The following KYNU variants were observed in gnomAD, a reference collection of about 807,000 sequenced individuals.
KYNU encodes L-kynurenine hydrolase.
KYNU carries 54 observed loss-of-function variants against 59.2 expected under a neutral mutation model. The observed-to-expected ratio is 0.91, with a 90% CI of 0.73 to 1.14. The LOEUF is 1.14. Ranked by LOEUF, KYNU falls within the 50% of genes most tolerant of loss-of-function variation. The probability of loss-of-function intolerance (pLI) is 0.00; values close to 1 mark genes in which losing one functional copy is unlikely to be tolerated. For missense variants in KYNU, 567 were observed against 554.4 expected, an observed-to-expected ratio of 1.02 and a Z score of -0.23; for synonymous variants, 177 against 192.0, an observed-to-expected ratio of 0.92 and a Z score of 0.65.
intron 8 of KYNU, among the ~76,000 whole-genome samples, chr2:142,984,510 G>T (rs1328930390): frequency 6.6e-6 from 1 of 152,004 alleles, no homozygotes; most frequent in African/African-American, 2.4e-5. Flanking sequence ...AGAAATGGTT[G>T]TCCATGATAT....
intron 4 of KYNU, among the ~76,000 whole-genome samples, chr2:142,938,633 A>C (rs1683473285): frequency 6.6e-6 from 1 of 152,238 alleles, no homozygotes; most frequent in African/African-American, 2.4e-5. Flanking sequence ...CAAACTTGAA[A>C]TATGTAAGTA....
At chr2:143,030,523 C>T (rs933235532) in intron 11 of KYNU, among the ~76,000 whole-genome samples, 3 of 151,888 alleles carry the variant, frequency 2.0e-5, no homozygotes, top group African/African-American at 7.3e-5. Flanking sequence ...TCACCTAGGC[C>T]GGAGTACAGT....
At chr2:143,020,717 A>G (rs530986465) in intron 10 of KYNU, among the ~76,000 whole-genome samples, 1 of 152,262 alleles carries the variant, frequency 6.6e-6, no homozygotes, top group South Asian at 2.1e-4. Context: ...GTTCCTTTCG[A>G]TCTTGGACTG....
At chr2:143,007,844 G>C (rs1424213229) in intron 10 of KYNU, among the ~76,000 whole-genome samples, 4 of 117,764 alleles carry the variant, frequency 3.4e-5, no homozygotes, top group African/African-American at 1.2e-4. Context: ...ATACTTTACA[G>C]ACAAGCAAAT....
At chr2:143,028,284 C>T in intron 10 of KYNU, among the ~76,000 whole-genome samples, 1 of 114,946 alleles carries the variant, frequency 8.7e-6, no homozygotes, top group Admixed American at 1.2e-4. Context: ...CTCACTCTGT[C>T]ACCCAGGTTG....
intron 2 of KYNU, among the ~76,000 whole-genome samples, chr2:142,892,189 A>G (rs1681739556): frequency 6.6e-6 from 1 of 152,234 alleles, no homozygotes; most frequent in African/African-American, 2.4e-5. Flanking sequence ...TTGGGATTAC[A>G]GGCGTCAGCC....
intron 8 of KYNU, among the ~76,000 whole-genome samples, chr2:142,979,007 T>C (rs1308202379): frequency 6.6e-6 from 1 of 152,168 alleles, no homozygotes; most frequent in Non-Finnish European, 1.5e-5. Context: ...TTCATTTCAA[T>C]AGGCAATTAA....
At chr2:142,960,955 G>A (rs372866426) in intron 8 of KYNU, among the ~76,000 whole-genome samples, 185 bp downstream of exon 8, 4 of 151,800 alleles carry the variant, frequency 2.6e-5, no homozygotes, top group African/African-American at 9.7e-5. Context: ...CAGCACTTGG[G>A]AGGCTGGAGC....
intron 10 of KYNU, among the ~76,000 whole-genome samples, chr2:143,020,944 T>C (rs1686389237): frequency 6.6e-6 from 1 of 152,212 alleles, no homozygotes; most frequent in African/African-American, 2.4e-5. Flanking sequence ...GTCACACCAA[T>C]AGAGTACATA....
intron 8 of KYNU, among the ~76,000 whole-genome samples, chr2:142,976,156 A>G (rs1300218057): frequency 6.6e-6 from 1 of 152,146 alleles, no homozygotes; most frequent in Non-Finnish European, 1.5e-5. Context: ...GGTGGAGGGA[A>G]GTTTTATGGG....
At chr2:142,946,426 A>G (rs917952738) in intron 4 of KYNU, among the ~76,000 whole-genome samples, 2 of 152,192 alleles carry the variant, frequency 1.3e-5, no homozygotes, top group Admixed American at 1.3e-4. Flanking sequence ...TCCATGATCC[A>G]TGGACTGCAG....
At chr2:142,925,360 A>ATT (rs1266550509) in intron 3 of KYNU, among the ~76,000 whole-genome samples, 2 of 152,212 alleles carry the variant, frequency 1.3e-5, no homozygotes, top group Non-Finnish European at 2.9e-5. Flanking sequence ...ATTCTCAAAG[A>ATT]AAGTCCTCTT....
At chr2:142,879,123 A>G (rs1681200987) in intron 1 of KYNU, among the ~76,000 whole-genome samples, 1 of 152,262 alleles carries the variant, frequency 6.6e-6, no homozygotes, top group South Asian at 2.1e-4. Flanking sequence ...ATGGCATAAC[A>G]TTATGGCTTG....
chr2:143,032,499 T>C (rs1686781436), intron 11 of KYNU, among the ~76,000 whole-genome samples: 2 of 152,120 alleles, frequency 1.3e-5, no homozygotes, highest in South Asian at 4.1e-4. Flanking sequence ...CATAGTTTGC[T>C]TAATCCTGGA....
At chr2:143,029,523 T>A (rs920992950) in intron 10 of KYNU, 104 bp from the exon 11 acceptor site, 1 of 738,702 alleles carries the variant, frequency 1.4e-6, no homozygotes, top group Admixed American at 1.9e-5. Context: ...GAGGCAGAGG[T>A]GGCAGTGAGC....
chr2:142,966,400 A>C (rs542226591), intron 8 of KYNU, among the ~76,000 whole-genome samples: 22 of 152,304 alleles, frequency 1.4e-4, no homozygotes, highest in Middle Eastern at 6.8e-3. Context: ...AACTTCTTTA[A>C]AGTCTTAGCT....
intron 4 of KYNU, among the ~76,000 whole-genome samples, chr2:142,930,154 C>A (rs1238954638): frequency 6.6e-6 from 1 of 152,106 alleles, no homozygotes. Context: ...TAAAACCCAT[C>A]TGGTGAGATT....
intron 2 of KYNU, among the ~76,000 whole-genome samples, chr2:142,897,723 A>T (rs909318473): frequency 2.0e-5 from 3 of 152,208 alleles, no homozygotes; most frequent in African/African-American, 7.2e-5. Context: ...AGCAACACTT[A>T]AGTTTCTCAA....
At chr2:142,983,714 T>G (rs1385113552) in intron 8 of KYNU, among the ~76,000 whole-genome samples, 6 of 152,078 alleles carry the variant, frequency 3.9e-5, no homozygotes, top group Non-Finnish European at 7.4e-5. Context: ...TTTACTGTAT[T>G]TGCAATTAAA....
Sources: gnomAD v4.1 joint callset for allele counts (sites outside exome capture counted in the v4.1 genomes callset) on GRCh38, gnomAD v4.1.1 for gene constraint, MANE v1.5 for transcripts, NCBI Gene and HGNC (gene_info 2026-07-23, HGNC 2026-07-21) for gene names.